The following ANXA4 variants were observed in gnomAD, a reference collection of about 807,000 sequenced individuals.
The protein encoded by ANXA4 is annexin A4, also known as 35-beta calcimedin.
Under a neutral mutation model 49.8 loss-of-function variants are expected in ANXA4, and 39 were observed. That is an observed-to-expected ratio of 0.78 (90% CI 0.61 to 1.02). The LOEUF (loss-of-function observed/expected upper bound fraction) is 1.02, where lower values mean the gene tolerates loss of function less well. Ranked by LOEUF, ANXA4 falls within the 50% of genes least tolerant of loss-of-function variation. The probability of loss-of-function intolerance (pLI) is 0.00; values close to 1 mark genes in which losing one functional copy is unlikely to be tolerated. For synonymous variants in ANXA4, 134 were observed against 152.5 expected (o/e 0.88, Z 0.89); for missense variants, 360 against 410.1 (o/e 0.88, Z 1.05).
At chr2:69,803,654 A>G (rs761093619) in intron 3 of ANXA4, 2 of 152,268 alleles carry the variant, frequency 1.3e-5, no homozygotes, top group Non-Finnish European at 2.9e-5. Context: ...TGCAAAACAT[A>G]GTTCCAGATT....
intron 1 of ANXA4, among the ~76,000 whole-genome samples, chr2:69,753,441 G>A (rs1361005853): frequency 9.2e-5 from 14 of 152,188 alleles, no homozygotes; most frequent in Non-Finnish European, 1.5e-5. Flanking sequence ...TGCTCCCCAC[G>A]TGACTTTTGT....
intron 2 of ANXA4, among the ~76,000 whole-genome samples, chr2:69,689,079 C>T (rs1375374082): frequency 2.6e-5 from 4 of 152,076 alleles, no homozygotes; most frequent in East Asian, 1.9e-4. Context: ...GTGGTTCATA[C>T]GACATTTTCT....
At chr2:69,814,003 C>T (rs1165033982) in intron 8 of ANXA4, among the ~76,000 whole-genome samples, 1 of 152,078 alleles carries the variant, frequency 6.6e-6, no homozygotes, top group Admixed American at 6.5e-5. Flanking sequence ...AATGATCCAC[C>T]TGCCATGGCC....
rs1407285377 is a variant in ANXA4, at chr2:69,820,807, T to A, written c.892T>A (p.Tyr298Asn). 6.2e-7 allele frequency: 1 copy of A among 1,613,932 alleles called. No homozygotes were observed. Among genetic ancestry groups the A allele is most frequent in the Admixed American group, 1.7e-5 (1 of 59,998 alleles). Residue 298 changes from tyrosine (Y) to asparagine (N), a missense_variant, in exon 12 of 13, where the codon TAC (tyrosine) becomes AAC (asparagine). Physicochemically the swap from Tyr to Asn is moderately radical, Grantham distance 143. Coordinates refer to ENST00000394295, the MANE Select transcript of ANXA4 (RefSeq NM_001153.5). ...HFKRLYGKSL[Y>N]SFIKGDTSGD... ...CAAGAGACTCTATGGAAAGTCTCTG[T>A]ACTCGTTCATCAAGGTAGGTCACAG...
intron 2 of ANXA4, among the ~76,000 whole-genome samples, chr2:69,659,941 T>A (rs1320422883): frequency 1.3e-5 from 2 of 152,104 alleles, no homozygotes; most frequent in Non-Finnish European, 2.9e-5. Flanking sequence ...AGCACCTTAG[T>A]CCTGGGCCTG....
chr2:69,765,414 A>G (rs56383217), intron 1 of ANXA4, among the ~76,000 whole-genome samples: 33,912 of 152,088 alleles, frequency 0.22, 3,864 homozygotes, highest in East Asian at 0.35. Context: ...TCTGTTTTGA[A>G]TAGTAGCCAT....
At chr2:69,762,737 A>G (rs1290594592) in intron 1 of ANXA4, among the ~76,000 whole-genome samples, 1 of 152,138 alleles carries the variant, frequency 6.6e-6, no homozygotes, top group Non-Finnish European at 1.5e-5. Flanking sequence ...GAGGAGGGCC[A>G]GCTATGGGCC....
chr2:69,686,272 C>A (rs1172561593), intron 2 of ANXA4, among the ~76,000 whole-genome samples: 1 of 151,544 alleles, frequency 6.6e-6, no homozygotes, highest in Non-Finnish European at 1.5e-5. Context: ...GCAACCTCTG[C>A]CTCCTGGGTT....
At chr2:69,739,945 C>T (rs1670342050), upstream of ANXA4, among the ~76,000 whole-genome samples, 1 of 152,034 alleles carries the variant, frequency 6.6e-6, no homozygotes, top group African/African-American at 2.4e-5. Context: ...TGAAGTTTAT[C>T]CTCAGTCTGA....
In ANXA4 at chr2:69,648,879, C is replaced by CT. The variant is rs201603508; in HGVS notation, n.481+3977dup. ...ATTTTTTTAATTTTTAATTTTCTTT[C>CT]TTTCTTTTCTTTTTTTTTTTTTTTG... is the stretch of plus-strand genomic sequence containing the variant. On this transcript the variant is annotated intron_variant and non_coding_transcript_variant, in intron 1 of 3. Coordinates refer to the ANXA4 transcript ENST00000418066. Among the ~76,000 whole-genome samples the CT allele has an allele frequency of 2.4e-4, 27 of 113,464 alleles. 2 individuals carry two copies. The East Asian group carries it at 6.1e-3, about 25-fold the overall frequency. The allele number at this position is 113,464 out of a possible 152,430, so 74.4% of individuals were successfully genotyped here.
chr2:69,816,098 C>T lies in ANXA4; in HGVS notation c.535-3C>T. The T allele has an allele frequency of 2.5e-6, 4 of 1,613,296 alleles. No individual in the cohort carries two copies. The highest frequency in any genetic ancestry group is 3.4e-6 in the Non-Finnish European group (4 of 1,179,274). On this transcript the variant is annotated splice_region_variant and splice_polypyrimidine_tract_variant and intron_variant, in intron 8 of 12. Coordinates refer to ENST00000394295, the MANE Select transcript of ANXA4 (RefSeq NM_001153.5). ...TTTAGACCTGTGCTTTGTTTGGCTTCAGGACCTGTATGAGGCTGGAGAGAA... is the reference window on the plus strand; with the variant it reads ...TTTAGACCTGTGCTTTGTTTGGCTTTAGGACCTGTATGAGGCTGGAGAGAA...
intron 2 of ANXA4, among the ~76,000 whole-genome samples, chr2:69,664,581 CAGTA>C (rs1379878409): frequency 6.6e-6 from 1 of 152,190 alleles, no homozygotes; most frequent in African/African-American, 2.4e-5. Context: ...GAATAGGTGT[CAGTA>C]AGTATTACTA....
At chr2:69,712,657 A>C (rs1678713300) in intron 2 of ANXA4, among the ~76,000 whole-genome samples, 1 of 152,196 alleles carries the variant, frequency 6.6e-6, no homozygotes, top group Non-Finnish European at 1.5e-5. Flanking sequence ...TTTCTACCCT[A>C]TGGATGAGGA....
At chr2:69,669,617 A>G (rs541812808) in intron 2 of ANXA4, among the ~76,000 whole-genome samples, 1 of 152,184 alleles carries the variant, frequency 6.6e-6, no homozygotes, top group East Asian at 1.9e-4. Context: ...TCTCAAAAAA[A>G]AAAAAGAATC....
At chr2:69,806,661 G>A (rs1221437009) in intron 5 of ANXA4, among the ~76,000 whole-genome samples, 163 bp downstream of exon 5, 2 of 152,208 alleles carry the variant, frequency 1.3e-5, no homozygotes, top group African/African-American at 4.8e-5. Context: ...TGGAATAGCT[G>A]TAAAAAGGAA....
At chr2:69,769,448 A>G (rs1002187537) in intron 1 of ANXA4, among the ~76,000 whole-genome samples, 2 of 152,188 alleles carry the variant, frequency 1.3e-5, no homozygotes, top group African/African-American at 4.8e-5. Flanking sequence ...GGCAAATTAC[A>G]CAACTTTTCT....
chr2:69,812,771 T>C, intron 8 of ANXA4, 62 bp downstream of exon 8: 1 of 1,402,648 alleles, frequency 7.1e-7, no homozygotes, highest in South Asian at 1.2e-5. Flanking sequence ...AGACAGGCCT[T>C]AGTGGGTGGA....
intron 3 of ANXA4, among the ~76,000 whole-genome samples, chr2:69,798,697 G>C (rs1041032755): frequency 6.6e-6 from 1 of 152,246 alleles, no homozygotes; most frequent in Non-Finnish European, 1.5e-5. Flanking sequence ...TCAGCTGTCA[G>C]ATGCCCGGTG....
intron 3 of ANXA4, among the ~76,000 whole-genome samples, chr2:69,798,140 T>TG (rs1008449150): frequency 6.6e-5 from 10 of 152,092 alleles, no homozygotes; most frequent in Middle Eastern, 3.2e-3. Flanking sequence ...GGGCATTTAC[T>TG]GGGGGGAAAA....
Sources: allele counts gnomAD v4.1 joint callset (sites outside exome capture counted in the v4.1 genomes callset), GRCh38; gene constraint gnomAD v4.1.1; transcripts MANE v1.5; gene names NCBI Gene and HGNC (gene_info 2026-07-23, HGNC 2026-07-21).